Variants in HDAC9 observed in about 807,000 individuals in gnomAD.
HDAC9 encodes MEF-2 interacting transcription repressor (MITR) protein.
In HDAC9, 41 loss-of-function variants were observed where a neutral mutation model predicts 139.4. That is an observed-to-expected ratio of 0.29 (90% CI 0.23 to 0.38). The LOEUF (loss-of-function observed/expected upper bound fraction) is 0.38, where lower values mean the gene tolerates loss of function less well. HDAC9 is among the 10% of genes least tolerant of loss of function. The probability of loss-of-function intolerance (pLI) is 1.00; values close to 1 mark genes in which losing one functional copy is unlikely to be tolerated. For synonymous variants in HDAC9, 517 were observed against 476.2 expected, an observed-to-expected ratio of 1.09 and a Z score of -1.12; for missense variants, 1,147 against 1,297.0, an observed-to-expected ratio of 0.88 and a Z score of 1.78.
intron 2 of HDAC9, among the ~76,000 whole-genome samples, chr7:18,165,809 A>G (rs1187097283): frequency 6.6e-6 from 1 of 151,942 alleles, no homozygotes; most frequent in African/African-American, 2.4e-5. Context: ...AAAAAAAAAA[A>G]AAAAGAAAGA....
At chr7:18,091,071 G>A (rs1273398787) in intron 1 of HDAC9, among the ~76,000 whole-genome samples, 1 of 152,192 alleles carries the variant, frequency 6.6e-6, no homozygotes, top group Non-Finnish European at 1.5e-5. Context: ...ATGGTAATAT[G>A]TAATCTTATG....
At chr7:18,175,056 C>T (rs927079223) in intron 2 of HDAC9, among the ~76,000 whole-genome samples, 29 of 152,198 alleles carry the variant, frequency 1.9e-4, no homozygotes, top group South Asian at 4.1e-4. Flanking sequence ...ATACCCTGCC[C>T]CTAGAGGTGG....
At chr7:18,498,898 T>C (rs1797654784) in intron 2 of HDAC9, among the ~76,000 whole-genome samples, 1 of 152,144 alleles carries the variant, frequency 6.6e-6, no homozygotes, top group East Asian at 1.9e-4. Context: ...TGCCATGTTC[T>C]ATCTTGCTGA....
chr7:18,189,059 C>T (rs1790133507), intron 2 of HDAC9, among the ~76,000 whole-genome samples: 1 of 152,154 alleles, frequency 6.6e-6, no homozygotes. Flanking sequence ...TTTATTGCAG[C>T]ACTATTTACA....
chr7:18,558,228 A>T (rs991010597), intron 2 of HDAC9, among the ~76,000 whole-genome samples: 1 of 152,186 alleles, frequency 6.6e-6, no homozygotes, highest in Admixed American at 6.5e-5. Context: ...CTCAGAAAAC[A>T]CACTCATTTT....
chr7:18,217,655 G>A (rs1425645004), intron 2 of HDAC9, among the ~76,000 whole-genome samples: 1 of 152,106 alleles, frequency 6.6e-6, no homozygotes, highest in African/African-American at 2.4e-5. Context: ...TGAAACACTG[G>A]AATTAATCTT....
At chr7:18,993,529 T>G (rs978745957) in intron 25 of HDAC9, among the ~76,000 whole-genome samples, 5 of 152,100 alleles carry the variant, frequency 3.3e-5, no homozygotes, top group African/African-American at 1.2e-4. Flanking sequence ...AGGCTAGACA[T>G]GGTGGCGTAC....
At chr7:18,949,195 A>G (rs2051922) in intron 23 of HDAC9, 168,870 of 255,502 alleles carry the variant, frequency 0.66, 56,116 homozygotes, top group African/African-American at 0.72. Context: ...GGAGTATCTT[A>G]TATAGATTTC....
intron 17 of HDAC9, among the ~76,000 whole-genome samples, chr7:18,821,975 G>T (rs540546293): frequency 6.6e-6 from 1 of 152,292 alleles, no homozygotes; most frequent in African/African-American, 2.4e-5. Context: ...GAAGAGGTAT[G>T]GAGGAGGGGC....
intron 24 of HDAC9, among the ~76,000 whole-genome samples, chr7:18,973,940 T>G (rs1464851516): frequency 6.6e-6 from 1 of 152,180 alleles, no homozygotes; most frequent in Non-Finnish European, 1.5e-5. Flanking sequence ...TTCTATACCT[T>G]GTCTGCCTAA....
intron 2 of HDAC9, among the ~76,000 whole-genome samples, chr7:18,259,538 AT>A (rs1462047132): frequency 6.6e-6 from 1 of 151,824 alleles, no homozygotes; most frequent in Non-Finnish European, 1.5e-5. Flanking sequence ...AATTTTTAGT[AT>A]TTTTTTGTAG....
At chr7:18,932,903 T>C (rs1242323579) in intron 22 of HDAC9, among the ~76,000 whole-genome samples, 1 of 141,150 alleles carries the variant, frequency 7.1e-6, no homozygotes, top group East Asian at 2.0e-4. Context: ...TTCTTCTCCA[T>C]GAGAATTTGT....
At chr7:18,347,822 C>G (rs577445067) in intron 1 of HDAC9, among the ~76,000 whole-genome samples, 1 of 152,130 alleles carries the variant, frequency 6.6e-6, no homozygotes, top group Admixed American at 6.5e-5. Context: ...GATGATCCAC[C>G]CACCTCGGCC....
intron 1 of HDAC9, among the ~76,000 whole-genome samples, chr7:18,483,895 A>T (rs899099024): frequency 1.3e-5 from 2 of 152,166 alleles, no homozygotes; most frequent in Non-Finnish European, 2.9e-5. Flanking sequence ...TCTGTTTTCT[A>T]TCAACTGATT....
intron 22 of HDAC9, among the ~76,000 whole-genome samples, chr7:18,922,489 T>A (rs978370531): frequency 9.2e-5 from 14 of 152,004 alleles, no homozygotes; most frequent in African/African-American, 3.4e-4. Context: ...AGGACCTCAG[T>A]GGAAAAACTC....
chr7:18,530,108 A>C (rs1431269215), intron 2 of HDAC9, among the ~76,000 whole-genome samples: 1 of 151,906 alleles, frequency 6.6e-6, no homozygotes, highest in Non-Finnish European at 1.5e-5. Flanking sequence ...AGCAAGATCC[A>C]GTCTCTACGT....
intron 1 of HDAC9, among the ~76,000 whole-genome samples, chr7:18,444,064 C>T (rs1278704996): frequency 1.3e-5 from 2 of 151,892 alleles, no homozygotes; most frequent in Non-Finnish European, 2.9e-5. Context: ...TGCAACTGGG[C>T]ATGGTGGCTC....
At chr7:18,873,982 A>G (rs945789643) in intron 21 of HDAC9, among the ~76,000 whole-genome samples, 1 of 141,372 alleles carries the variant, frequency 7.1e-6, no homozygotes, top group Non-Finnish European at 1.5e-5. Context: ...ACCCCCTACC[A>G]TGATAAATAT....
intron 6 of HDAC9, among the ~76,000 whole-genome samples, chr7:18,610,687 C>T (rs1234055723): frequency 6.6e-6 from 1 of 152,198 alleles, no homozygotes; most frequent in Non-Finnish European, 1.5e-5. Context: ...TGCGCTTGGC[C>T]TTTCCTAAGT....
Sources: allele counts gnomAD v4.1 joint callset (sites outside exome capture counted in the v4.1 genomes callset), GRCh38; gene constraint gnomAD v4.1.1; transcripts MANE v1.5; gene names NCBI Gene and HGNC (gene_info 2026-07-23, HGNC 2026-07-21).